Variants in ITGA8 observed in about 807,000 individuals in gnomAD.
ITGA8 encodes integrin subunit alpha 8.
ITGA8 carries 91 observed loss-of-function variants against 142.3 expected under a neutral mutation model. That is an observed-to-expected ratio of 0.64 (90% CI 0.54 to 0.76). The LOEUF (loss-of-function observed/expected upper bound fraction) is 0.76, where lower values mean the gene tolerates loss of function less well. Among genes scored for constraint, ITGA8 ranks in the 30% least tolerant of loss-of-function variants. The pLI, the probability that ITGA8 is intolerant of heterozygous loss-of-function variation, is 0.00. For missense variants in ITGA8, 1,406 were observed against 1,327.7 expected (o/e 1.06, Z -0.92); for synonymous variants, 505 against 485.2 (o/e 1.04, Z -0.54).
intron 27 of ITGA8, among the ~76,000 whole-genome samples, chr10:15,546,613 C>A (rs1365818544): frequency 6.6e-6 from 1 of 151,732 alleles, no homozygotes; most frequent in African/African-American, 2.4e-5. Flanking sequence ...TGGCTCCCAG[C>A]AACACAGCGC....
At chr10:15,655,453 T>C (rs749255909) in intron 10 of ITGA8, 47 bp from the exon 11 acceptor site, 14 of 1,278,348 alleles carry the variant, frequency 1.1e-5, no homozygotes, top group African/African-American at 1.0e-4. Context: ...AAAAAGTCAT[T>C]TTTGTAGTCA....
At chr10:15,599,319 T>C (rs984923463) in intron 20 of ITGA8, among the ~76,000 whole-genome samples, 2 of 152,138 alleles carry the variant, frequency 1.3e-5, no homozygotes, top group African/African-American at 4.8e-5. Flanking sequence ...CTTGTTCTAA[T>C]CCATTTATAG....
In ITGA8 at chr10:15,597,233, C is replaced by T. The variant is rs770598403; in HGVS notation, c.2185G>A (p.Gly729Arg). ...TTTGTTCCAGACACCATAGGGTTCC[C>T]AAGGTCACACACCACCATCCTGGTT... ...NVTRMVVCDL[G>R]NPMVSGTNYS... Residue 729 changes from glycine to arginine, a missense_variant, in exon 21 of 30, where the codon GGG (glycine) becomes AGG (arginine). Physicochemically the swap from Gly to Arg is moderately radical, Grantham distance 125 (BLOSUM62 -2). Coordinates refer to ENST00000378076, the MANE Select transcript of ITGA8 (RefSeq NM_003638.3). 2.5e-6 allele frequency: 4 copies of T among 1,613,978 alleles called. No individual in the cohort carries two copies. The South Asian group carries it at 4.4e-5, about 18-fold the overall frequency.
intron 11 of ITGA8, among the ~76,000 whole-genome samples, chr10:15,652,783 C>T (rs1834111673): frequency 6.6e-6 from 1 of 152,230 alleles, no homozygotes; most frequent in Admixed American, 6.5e-5. Context: ...CCCTCCACTG[C>T]TATTGCTCAT....
chr10:15,689,969 G>A (rs1834902721), intron 2 of ITGA8, among the ~76,000 whole-genome samples: 1 of 152,128 alleles, frequency 6.6e-6, no homozygotes, highest in Admixed American at 6.5e-5. Context: ...CAGCACTTAA[G>A]GGAGCTTTGG....
At chr10:15,613,840 G>C in intron 14 of ITGA8, 73 bp from the exon 15 acceptor site, 1 of 986,084 alleles carries the variant, frequency 1.0e-6, no homozygotes, top group Non-Finnish European at 1.6e-6. Flanking sequence ...CCACTTCACT[G>C]CATACTGAAC....
intron 2 of ITGA8, among the ~76,000 whole-genome samples, chr10:15,688,302 C>CAAAAAAAAAAAAAAAAAAAAAA (rs35060475): frequency 8.9e-6 from 1 of 112,796 alleles, no homozygotes; most frequent in African/African-American, 3.5e-5. Context: ...CAAAAAATAC[C>CAAAAAAAAAAAAAAAAAAAAAA]AAAAAAAAAA....
intron 11 of ITGA8, among the ~76,000 whole-genome samples, chr10:15,648,042 G>A (rs1262099360): frequency 6.6e-6 from 1 of 152,156 alleles, no homozygotes; most frequent in South Asian, 2.1e-4. Flanking sequence ...AAATAAAAAA[G>A]TGGTTACAGG....
chr10:15,644,466 AT>A (rs1564388851), intron 12 of ITGA8, among the ~76,000 whole-genome samples: 7 of 24,820 alleles, frequency 2.8e-4, no homozygotes, highest in Admixed American at 7.4e-4. Flanking sequence ...ATATATATAT[AT>A]ATATATATAT....
At chr10:15,695,035 A>C (rs1835025097) in intron 2 of ITGA8, among the ~76,000 whole-genome samples, 1 of 152,130 alleles carries the variant, frequency 6.6e-6, no homozygotes, top group South Asian at 2.1e-4. Flanking sequence ...GCCAGCTCTG[A>C]ACGGGACCTT....
chr10:15,552,773 G>A (rs1247986254), intron 26 of ITGA8, among the ~76,000 whole-genome samples: 1 of 152,152 alleles, frequency 6.6e-6, no homozygotes, highest in Non-Finnish European at 1.5e-5. Context: ...TTATGAGTGG[G>A]AACATGCAGT....
intron 24 of ITGA8, among the ~76,000 whole-genome samples, chr10:15,573,575 T>C (rs999353739): frequency 6.6e-6 from 1 of 152,204 alleles, no homozygotes. Context: ...GAGGGTTTCA[T>C]GCTGATGCTG....
chr10:15,681,761 T>G (rs1362098758), intron 4 of ITGA8, among the ~76,000 whole-genome samples: 1 of 152,228 alleles, frequency 6.6e-6, no homozygotes, highest in Non-Finnish European at 1.5e-5. Context: ...ATTTGCTGTT[T>G]GTTGAACAAG....
At position 15,678,802 on chromosome 10, in the gene ITGA8, A is replaced by T; in HGVS notation, c.569-19T>A. The stretch of plus-strand genomic sequence containing the variant: ...GCATTGCCTAGAACGATCAAAATAC[A>T]TAAATGTTATAACGTTATCATTCCT... On this transcript the variant is annotated intron_variant, in intron 4 of 29. Coordinates refer to ENST00000378076, the MANE Select transcript of ITGA8 (RefSeq NM_003638.3). 1 of 1,501,902 alleles carries T rather than the reference A, an allele frequency of 6.7e-7. No homozygotes were observed. The highest frequency in any genetic ancestry group is 1.2e-5 in the South Asian group (1 of 86,516). 93.0% of individuals were successfully genotyped at this position (1,501,902 alleles called of 1,614,324 possible).
At chr10:15,699,458 A>C (rs1835117786) in intron 2 of ITGA8, among the ~76,000 whole-genome samples, 1 of 152,232 alleles carries the variant, frequency 6.6e-6, no homozygotes, top group African/African-American at 2.4e-5. Flanking sequence ...TGTATAGAAA[A>C]ACAGATGATA....
At chr10:15,619,048 TCAGTC>T (rs1223368325) in intron 13 of ITGA8, among the ~76,000 whole-genome samples, 1 of 152,158 alleles carries the variant, frequency 6.6e-6, no homozygotes, top group Non-Finnish European at 1.5e-5. Context: ...AGCTTCCTTA[TCAGTC>T]AAGTGGGATA....
chr10:15,716,390 T>C (rs185614746), intron 2 of ITGA8, among the ~76,000 whole-genome samples: 2 of 152,328 alleles, frequency 1.3e-5, no homozygotes, highest in South Asian at 2.1e-4. Context: ...CTTTGAGATA[T>C]CTAGACATTT....
intron 27 of ITGA8, among the ~76,000 whole-genome samples, chr10:15,544,826 C>T (rs901304521): frequency 1.3e-5 from 2 of 152,132 alleles, no homozygotes; most frequent in Non-Finnish European, 2.9e-5. Flanking sequence ...TATGTAAGAG[C>T]CTTGGCATCT....
intron 13 of ITGA8, 55 bp downstream of exon 13, chr10:15,643,975 A>C: frequency 2.7e-6 from 4 of 1,505,166 alleles, no homozygotes; most frequent in Non-Finnish European, 3.6e-6. Flanking sequence ...TTTTCAGAAA[A>C]TGGACTCTAT....
Sources: allele counts gnomAD v4.1 joint callset (sites outside exome capture counted in the v4.1 genomes callset), GRCh38; gene constraint gnomAD v4.1.1; transcripts MANE v1.5; gene names NCBI Gene and HGNC (gene_info 2026-07-23, HGNC 2026-07-21).